Variants in SPAG17 observed in about 807,000 individuals in gnomAD.
SPAG17 encodes sperm associated antigen 17.
Under a neutral mutation model 273.6 loss-of-function variants are expected in SPAG17, and 169 were observed. The ratio of observed to expected loss-of-function variants is 0.62; its 90% CI spans 0.55 to 0.70. The LOEUF (loss-of-function observed/expected upper bound fraction) is 0.70. Among genes scored for constraint, SPAG17 ranks in the 30% least tolerant of loss-of-function variants. SPAG17 has a pLI of 0.00. For missense variants in SPAG17, 2,557 were observed against 2,627.8 expected (o/e 0.97, Z 0.59); for synonymous variants, 825 against 873.2 (o/e 0.94, Z 0.97).
chr1:118,043,790 A>G (rs1172110221), intron 20 of SPAG17, among the ~76,000 whole-genome samples: 4 of 152,252 alleles, frequency 2.6e-5, no homozygotes, highest in Non-Finnish European at 4.4e-5. Flanking sequence ...AGTTGAGGAA[A>G]TATTCGTCCA....
chr1:117,996,890 G>A, intron 32 of SPAG17, 147 bp from the exon 33 acceptor site: 1 of 771,544 alleles, frequency 1.3e-6, no homozygotes, highest in Non-Finnish European at 2.0e-6. Context: ...TTACTAAGTA[G>A]AGACTGCATT....
intron 30 of SPAG17, among the ~76,000 whole-genome samples, chr1:118,010,711 A>G (rs1001906827): frequency 2.6e-4 from 39 of 152,212 alleles, no homozygotes; most frequent in Non-Finnish European, 5.7e-4. Flanking sequence ...AAAATTGACA[A>G]GTGAGATCTA....
chr1:118,074,463 C>T, intron 16 of SPAG17, 76 bp downstream of exon 16: 8 of 1,225,462 alleles, frequency 6.5e-6, no homozygotes, highest in Admixed American at 3.5e-5. Flanking sequence ...TTTTCTTTTT[C>T]AGTGTTTCTT....
At chr1:118,175,813 C>A (rs1415389958) in intron 1 of SPAG17, among the ~76,000 whole-genome samples, 1 of 152,072 alleles carries the variant, frequency 6.6e-6, no homozygotes, top group Non-Finnish European at 1.5e-5. Flanking sequence ...AGTGCACAAA[C>A]AAACCCAGGA....
At chr1:118,125,245 A>ATATATTT (rs146004766) in intron 3 of SPAG17, among the ~76,000 whole-genome samples, 1 of 150,750 alleles carries the variant, frequency 6.6e-6, no homozygotes, top group African/African-American at 2.5e-5. Flanking sequence ...ATATATATAT[A>ATATATTT]TTTTTGACAT....
intron 23 of SPAG17, among the ~76,000 whole-genome samples, chr1:118,038,656 G>GA (rs1398505659): frequency 6.6e-6 from 1 of 152,086 alleles, no homozygotes; most frequent in Non-Finnish European, 1.5e-5. Context: ...ATTACTAAAT[G>GA]AAAAAAGTCA....
chr1:117,989,214 G>A (rs942901), intron 38 of SPAG17, among the ~76,000 whole-genome samples: 137,207 of 152,186 alleles, frequency 0.9, 62,155 homozygotes, highest in African/African-American at 0.98. Context: ...CTATAAAATA[G>A]TACCTGAGGC....
intron 1 of SPAG17, among the ~76,000 whole-genome samples, chr1:118,177,656 A>C (rs1341243261): frequency 6.6e-6 from 1 of 152,168 alleles, no homozygotes; most frequent in Non-Finnish European, 1.5e-5. Flanking sequence ...TGAAAAGATA[A>C]ACAAATTGTC....
chr1:118,022,443 G>A (rs1647222599), intron 28 of SPAG17, among the ~76,000 whole-genome samples: 1 of 122,594 alleles, frequency 8.2e-6, no homozygotes. Context: ...AAACAAACAG[G>A]AAACATCTTT....
intron 43 of SPAG17, among the ~76,000 whole-genome samples, chr1:117,976,838 C>G (rs1655194825): frequency 6.6e-6 from 1 of 152,160 alleles, no homozygotes; most frequent in Non-Finnish European, 1.5e-5. Context: ...GCAGTATTAT[C>G]ACAGTCAGCA....
intron 3 of SPAG17, among the ~76,000 whole-genome samples, chr1:118,148,264 C>A (rs1006749027): frequency 2.0e-5 from 3 of 152,158 alleles, no homozygotes; most frequent in Non-Finnish European, 4.4e-5. Context: ...TCACTGACTT[C>A]AAAGAATGAA....
At chr1:118,109,510 G>A (rs1019778750) in intron 4 of SPAG17, among the ~76,000 whole-genome samples, 4 of 150,478 alleles carry the variant, frequency 2.7e-5, no homozygotes, top group Admixed American at 1.3e-4. Context: ...AGCCGAGATC[G>A]TGCCACTGTA....
chr1:118,082,946 G>T (rs998343374), intron 13 of SPAG17, among the ~76,000 whole-genome samples: 9 of 150,276 alleles, frequency 6.0e-5, no homozygotes, highest in African/African-American at 2.2e-4. Context: ...AATGGAACAT[G>T]ACAGCTTGAT....
chr1:118,008,870 A>C (rs1659179902), intron 30 of SPAG17, among the ~76,000 whole-genome samples: 1 of 152,114 alleles, frequency 6.6e-6, no homozygotes, highest in Non-Finnish European at 1.5e-5. Flanking sequence ...GACTCCCCTT[A>C]ACAACCTTAT....
At chr1:118,003,899 T>C (rs978781213) in intron 32 of SPAG17, among the ~76,000 whole-genome samples, 26 of 152,178 alleles carry the variant, frequency 1.7e-4, no homozygotes, top group Non-Finnish European at 5.9e-5. Flanking sequence ...AGCACTCTGA[T>C]TTTTAGAATT....
chr1:118,029,523 A>C (rs1317351447), intron 25 of SPAG17, among the ~76,000 whole-genome samples: 1 of 152,220 alleles, frequency 6.6e-6, no homozygotes, highest in Non-Finnish European at 1.5e-5. Context: ...TAATGAGCAC[A>C]TACTGCTTTT....
intron 4 of SPAG17, among the ~76,000 whole-genome samples, chr1:118,108,268 G>A (rs932561038): frequency 3.9e-5 from 6 of 152,138 alleles, no homozygotes; most frequent in African/African-American, 1.4e-4. Context: ...TTGGCCCCTA[G>A]AATTCTACCT....
intron 1 of SPAG17, among the ~76,000 whole-genome samples, chr1:118,152,162 C>A (rs184452631): frequency 1.3e-5 from 2 of 151,984 alleles, no homozygotes; most frequent in African/African-American, 4.8e-5. Context: ...CAAACAAACA[C>A]GATAAAGACA....
intron 28 of SPAG17, among the ~76,000 whole-genome samples, chr1:118,018,777 G>T (rs920056313): frequency 4.6e-5 from 7 of 152,038 alleles, no homozygotes; most frequent in African/African-American, 1.2e-4. Flanking sequence ...AAAGGATATT[G>T]TCAATGTACT....
Sources: allele counts gnomAD v4.1 joint callset (sites outside exome capture counted in the v4.1 genomes callset), GRCh38; gene constraint gnomAD v4.1.1; transcripts MANE v1.5; gene names NCBI Gene and HGNC (gene_info 2026-07-23, HGNC 2026-07-21).